Variants in RAVER2 observed in about 807,000 individuals in gnomAD.
RAVER2 encodes the protein ribonucleoprotein, PTB binding 2.
A neutral mutation model predicts 78.1 loss-of-function variants in RAVER2; 46 were observed. That is an observed-to-expected ratio of 0.59 (90% confidence interval 0.46 to 0.75). The LOEUF (loss-of-function observed/expected upper bound fraction) is 0.75. Among genes scored for constraint, RAVER2 ranks in the 30% least tolerant of loss-of-function variants. The pLI is 0.00. For missense variants in RAVER2, 793 were observed against 837.5 expected, an observed-to-expected ratio of 0.95 and a Z score of 0.66; for synonymous variants, 311 against 313.3, an observed-to-expected ratio of 0.99 and a Z score of 0.08.
intron 9 of RAVER2, among the ~76,000 whole-genome samples, chr1:64,810,414 T>C (rs1023146375): frequency 6.6e-6 from 1 of 152,136 alleles, no homozygotes; most frequent in African/African-American, 2.4e-5. Flanking sequence ...ATCTTTCCAT[T>C]CCATTTTCAC....
chr1:64,777,732 T>C (rs763288489), exon 3 of RAVER2: 1 of 1,614,074 alleles, frequency 6.2e-7, no homozygotes, highest in South Asian at 1.1e-5. Flanking sequence ...CAACAGATGC[T>C]TTGTTGTGTA....
At chr1:64,784,398 A>G (rs1186311225) in intron 4 of RAVER2, among the ~76,000 whole-genome samples, 2 of 152,116 alleles carry the variant, frequency 1.3e-5, no homozygotes, top group Non-Finnish European at 2.9e-5. Flanking sequence ...AAAACAAAAC[A>G]AAACAAAGCT....
intron 2 of RAVER2, among the ~76,000 whole-genome samples, chr1:64,772,572 T>TA (rs1652349504): frequency 1.3e-5 from 2 of 151,926 alleles, no homozygotes; most frequent in Admixed American, 6.6e-5. Context: ...TAGAGAGGTA[T>TA]AAAAAAATAA....
Position 64,778,015 on chromosome 1 carries a change from A to T in RAVER2, c.709A>T (p.Lys237Ter). Residue 237 changes from lysine (K) to a stop codon, truncating the protein, a stop_gained, in exon 3 of 12, where the codon AAA (lysine) becomes TAA (stop). Coordinates refer to ENST00000294428, the Ensembl canonical transcript of RAVER2. LOFTEE classifies it high-confidence loss of function. ...TCATTCTAAGTGCCTTTGTATTGAT[A>T]AACTCCCCAGTGACTACAGGGATTC... 6.2e-7 allele frequency: 1 copy of T among 1,614,106 alleles called. No individual in the cohort carries two copies. Among genetic ancestry groups the T allele is most frequent in the South Asian group, 1.1e-5 (1 of 91,086 alleles).
chr1:64,807,564 T>G, intron 9 of RAVER2, 90 bp downstream of exon 9: 1 of 1,263,612 alleles, frequency 7.9e-7, no homozygotes, highest in South Asian at 2.0e-5. Context: ...GTCGTGTCAA[T>G]GAAATGATGA....
chr1:64,759,982 T>C (rs555928760), intron 1 of RAVER2, among the ~76,000 whole-genome samples: 2 of 152,330 alleles, frequency 1.3e-5, no homozygotes, highest in African/African-American at 4.8e-5. Flanking sequence ...GATATTGTGC[T>C]GGATGTTGGA....
chr1:64,803,192 T>C, intron 6 of RAVER2, 131 bp downstream of exon 6: 2 of 619,178 alleles, frequency 3.2e-6, no homozygotes, highest in Non-Finnish European at 2.7e-6. Context: ...ATAATAAGTA[T>C]AGGTATGTAA....
intron 2 of RAVER2, among the ~76,000 whole-genome samples, chr1:64,771,296 G>A (rs954245693): frequency 6.6e-5 from 10 of 151,938 alleles, no homozygotes; most frequent in Middle Eastern, 3.4e-3. Flanking sequence ...AACACAACAG[G>A]TCCACATAGA....
chr1:64,753,360 TA>T (rs966871810), intron 1 of RAVER2, among the ~76,000 whole-genome samples: 6 of 151,928 alleles, frequency 3.9e-5, no homozygotes, highest in Admixed American at 1.3e-4. Flanking sequence ...TGGCTTTTTT[TA>T]AAAAAAATAT....
intron 11 of RAVER2, among the ~76,000 whole-genome samples, chr1:64,830,396 A>G (rs1366518956): frequency 6.6e-6 from 1 of 152,136 alleles, no homozygotes; most frequent in African/African-American, 2.4e-5. Flanking sequence ...TTCTACACCT[A>G]TTGATTTATT....
chr1:64,783,254 A>T (rs967667722), intron 4 of RAVER2, among the ~76,000 whole-genome samples: 1 of 152,124 alleles, frequency 6.6e-6, no homozygotes, highest in Non-Finnish European at 1.5e-5. Context: ...CCAGTAATGG[A>T]ATAGCTGGGT....
chr1:64,829,046 A>G (rs1407374079), intron 11 of RAVER2, among the ~76,000 whole-genome samples: 1 of 152,170 alleles, frequency 6.6e-6, no homozygotes, highest in East Asian at 1.9e-4. Flanking sequence ...TGCTCAGTGA[A>G]GTTTTTTGCT....
intron 1 of RAVER2, among the ~76,000 whole-genome samples, chr1:64,766,085 A>G (rs899950262): frequency 6.6e-6 from 1 of 152,202 alleles, no homozygotes; most frequent in Admixed American, 6.5e-5. Context: ...AAAGCATTTC[A>G]TATGTGCAAA....
rs903054272 is a variant in RAVER2, at chr1:64,797,872, T to G, written c.1106-5104T>G. 3.3e-5 allele frequency among the ~76,000 whole-genome samples: 5 copies of G among 152,212 alleles called. No individual in the cohort carries two copies. The South Asian group carries it at 1.0e-3, about 32-fold the overall frequency. On this transcript the variant is annotated intron_variant, in intron 5 of 11. Transcript: ENST00000294428. The stretch of plus-strand genomic sequence containing the variant: ...TTTCTGATATTTGCAGTATTACTAC[T>G]GGCTACTCCATCAATAATGTGTGAC...
At chr1:64,823,650 ATCAG>A (rs1040593481) in intron 11 of RAVER2, among the ~76,000 whole-genome samples, 5 of 152,156 alleles carry the variant, frequency 3.3e-5, no homozygotes, top group South Asian at 2.1e-4. Context: ...TCTAATTATA[ATCAG>A]TCAAAGACAA....
In RAVER2 at chr1:64,777,610, C is replaced by T. The variant is rs369400666; in HGVS notation, c.317-13C>T. ...AATTTGAAAACTCTTTAATTCATTT[C>T]GTTATCTTCCAGCTTTTGTTACCTT... On this transcript the variant is annotated splice_polypyrimidine_tract_variant and intron_variant, in intron 2 of 11. Coordinates refer to ENST00000294428, the Ensembl canonical transcript of RAVER2. The T allele has an allele frequency of 1.0e-3, 1,578 of 1,576,244 alleles. 1 individual carries two copies. Among genetic ancestry groups the T allele is most frequent in the Non-Finnish European group, 1.2e-3 (1,429 of 1,157,580 alleles).
At chr1:64,817,096 T>C (rs1385716012) in intron 11 of RAVER2, among the ~76,000 whole-genome samples, 2 of 152,136 alleles carry the variant, frequency 1.3e-5, no homozygotes, top group Non-Finnish European at 2.9e-5. Flanking sequence ...GGGCAAAAGA[T>C]ATGAACAGAC....
chr1:64,751,599 A>G (rs1651700007), intron 1 of RAVER2, among the ~76,000 whole-genome samples: 1 of 152,086 alleles, frequency 6.6e-6, no homozygotes, highest in Admixed American at 6.6e-5. Context: ...ATTTTTAGAT[A>G]CGGGATGTTG....
intron 4 of RAVER2, 29 bp from the exon 5 acceptor site, chr1:64,789,359 A>T: frequency 6.4e-7 from 1 of 1,559,304 alleles, no homozygotes; most frequent in Non-Finnish European, 8.7e-7. Context: ...ATGCTGTTCT[A>T]ATGTTTCTTA....
Sources: gnomAD v4.1 joint callset for allele counts (sites outside exome capture counted in the v4.1 genomes callset) on GRCh38, gnomAD v4.1.1 for gene constraint, MANE v1.5 for transcripts, NCBI Gene and HGNC (gene_info 2026-07-23, HGNC 2026-07-21) for gene names.